The following LRRC49 variants were observed in gnomAD, a reference collection of about 807,000 sequenced individuals.
The protein encoded by LRRC49 is leucine-rich repeat-containing protein 49.
Under a neutral mutation model 83.3 loss-of-function variants are expected in LRRC49, and 50 were observed. The observed-to-expected ratio is 0.60, with a 90% CI of 0.48 to 0.76. The LOEUF is 0.76. Among genes scored for constraint, LRRC49 ranks in the 30% least tolerant of loss-of-function variants. The pLI is 0.00. For synonymous variants in LRRC49, 286 were observed against 283.3 expected, an observed-to-expected ratio of 1.01 and a Z score of -0.10; for missense variants, 704 against 809.1, an observed-to-expected ratio of 0.87 and a Z score of 1.58.
intron 8 of LRRC49, among the ~76,000 whole-genome samples, chr15:70,949,972 C>G (rs2036158029): frequency 6.6e-6 from 1 of 152,086 alleles, no homozygotes; most frequent in South Asian, 2.1e-4. Flanking sequence ...CTCACCCTCC[C>G]CCATCAAGTG....
chr15:70,933,104 A>G (rs1379044409), intron 7 of LRRC49, among the ~76,000 whole-genome samples: 1 of 152,138 alleles, frequency 6.6e-6, no homozygotes, highest in Non-Finnish European at 1.5e-5. Context: ...TTTCTCAGAA[A>G]ACAAATCAGT....
chr15:70,910,800 G>A (rs1360919358), intron 5 of LRRC49, among the ~76,000 whole-genome samples: 1 of 152,182 alleles, frequency 6.6e-6, no homozygotes, highest in Non-Finnish European at 1.5e-5. Flanking sequence ...GAGTGCTGGG[G>A]ATAGAGTAGA....
chr15:71,037,194 G>A lies in LRRC49; in HGVS notation c.1719G>A (p.Arg573=), dbSNP rs772469000. The A allele has an allele frequency of 1.9e-6, 3 of 1,605,160 alleles. No individual in the cohort carries two copies. The highest frequency in any genetic ancestry group is 3.4e-5 in the Admixed American group (2 of 57,998). The part of the protein sequence containing the change: ...ILGDARKKQF[R]YLLESKGKKP... Reference sequence around the variant, plus strand: ...CTTTCTACAGGAAAAAGCAATTTCGGTATCTACTAGAATCCAAAGGAAAAA... The same window carrying A: ...CTTTCTACAGGAAAAAGCAATTTCGATATCTACTAGAATCCAAAGGAAAAA... Residue 573 remains arginine (R), a synonymous_variant, in exon 15 of 16, where the codon CGG becomes CGA. Coordinates refer to ENST00000260382, the MANE Select transcript of LRRC49 (RefSeq NM_017691.5).
In LRRC49 at chr15:70,984,254, C is replaced by G. The variant is rs773564902; in HGVS notation, c.1166C>G (p.Thr389Arg). 1.2e-6 allele frequency: 2 copies of G among 1,607,214 alleles called. No homozygotes were observed. The highest frequency in any genetic ancestry group is 1.7e-6 in the Non-Finnish European group (2 of 1,176,824). ...GSTLSAFPEE[T>R]GPLDSGLNNA... ...ACCCTCTCTGCATTCCCAGAGGAAA[C>G]AGGGTATGCAATGGTATTTTTTCAA... Residue 389 changes from threonine to arginine, a missense_variant, in exon 11 of 16, where the codon ACA becomes AGA. Thr to Arg is a moderately conservative substitution (Grantham distance 71, BLOSUM62 -1). Coordinates refer to ENST00000260382, the MANE Select transcript of LRRC49 (RefSeq NM_017691.5).
intron 8 of LRRC49, among the ~76,000 whole-genome samples, chr15:70,941,665 A>G (rs1297515514): frequency 6.6e-6 from 1 of 152,160 alleles, no homozygotes; most frequent in Non-Finnish European, 1.5e-5. Flanking sequence ...TTATTATTAC[A>G]TAGCTTCTTT....
chr15:70,942,033 ATGTGTGTG>A (rs34818331), intron 8 of LRRC49, among the ~76,000 whole-genome samples: 4,667 of 143,976 alleles, frequency 0.032, 212 homozygotes, highest in African/African-American at 0.1. Context: ...TGTAAAGGTT[ATGTGTGTG>A]TGTGTGTGTG....
upstream of LRRC49, among the ~76,000 whole-genome samples, chr15:70,890,236 A>C (rs959895275): frequency 6.6e-6 from 1 of 152,132 alleles, no homozygotes; most frequent in Admixed American, 6.6e-5. Flanking sequence ...TTTAGTATTT[A>C]TCTCTCTTGC....
chr15:70,925,465 A>G (rs990141237), intron 7 of LRRC49, among the ~76,000 whole-genome samples: 4 of 152,126 alleles, frequency 2.6e-5, no homozygotes, highest in Non-Finnish European at 5.9e-5. Context: ...TTTGTTACTG[A>G]GATAGATTCA....
At chr15:71,046,680 CT>C (rs1348985012) in intron 15 of LRRC49, among the ~76,000 whole-genome samples, 1 of 152,150 alleles carries the variant, frequency 6.6e-6, no homozygotes, top group African/African-American at 2.4e-5. Context: ...GTTTCTTTTG[CT>C]GTGCAAAAGC....
At chr15:70,911,144 C>G (rs2034533024) in intron 5 of LRRC49, among the ~76,000 whole-genome samples, 1 of 152,112 alleles carries the variant, frequency 6.6e-6, no homozygotes, top group South Asian at 2.1e-4. Flanking sequence ...GTGGCTGGAG[C>G]AGAGTGAGTG....
In LRRC49 at chr15:70,934,240, A is replaced by C. The variant is rs577471071; in HGVS notation, c.712-2521A>C. On this transcript the variant is annotated intron_variant, in intron 7 of 15. Transcript: ENST00000260382. ...TAAATAATGCATGCATAGATAATTG[A>C]TACGGTAAATACGGTGTTTTCTTTT... 2.3e-4 allele frequency among the ~76,000 whole-genome samples: 35 copies of C among 152,318 alleles called. No individual in the cohort carries two copies. In the South Asian group the frequency reaches 6.6e-3, roughly 29 times the overall value.
intron 15 of LRRC49, among the ~76,000 whole-genome samples, chr15:71,044,892 T>C (rs1210857147): frequency 5.2e-5 from 7 of 135,332 alleles, no homozygotes; most frequent in Middle Eastern, 3.2e-3. Context: ...CAATCTTTTT[T>C]TTTTTTTTTT....
intron 1 of LRRC49, among the ~76,000 whole-genome samples, chr15:70,863,252 G>A (rs2032833636): frequency 1.3e-5 from 2 of 152,202 alleles, no homozygotes; most frequent in Non-Finnish European, 2.9e-5. Context: ...TATCTCTGAA[G>A]ATACAGCCTA....
At chr15:70,990,508 A>T (rs2037831881) in intron 11 of LRRC49, among the ~76,000 whole-genome samples, 1 of 152,130 alleles carries the variant, frequency 6.6e-6, no homozygotes, top group African/African-American at 2.4e-5. Flanking sequence ...TTGGGGTGGG[A>T]GTGACCCAAT....
At chr15:70,890,946 CTCT>C (rs1477882631), upstream of LRRC49, among the ~76,000 whole-genome samples, 1 of 152,088 alleles carries the variant, frequency 6.6e-6, no homozygotes, top group Non-Finnish European at 1.5e-5. Flanking sequence ...AATAATTTTG[CTCT>C]TTATCTTAAT....
At chr15:70,914,087 G>C (rs566449047) in intron 6 of LRRC49, among the ~76,000 whole-genome samples, 1 of 151,940 alleles carries the variant, frequency 6.6e-6, no homozygotes, top group East Asian at 1.9e-4. Context: ...AATTTGTGCA[G>C]TACAAATGTT....
chr15:70,918,399 A>T (rs751626353), intron 6 of LRRC49: 1 of 152,214 alleles, frequency 6.6e-6, no homozygotes, highest in South Asian at 2.1e-4. Context: ...ATCCTGTAAC[A>T]TTATATGTAC....
chr15:71,037,557 GA>G lies in LRRC49; in HGVS notation c.1857+235del, dbSNP rs375402407. 3.8e-4 allele frequency among the ~76,000 whole-genome samples: 56 copies of G among 147,890 alleles called. No homozygotes were observed. The East Asian group carries it at 5.7e-3, about 15-fold the overall frequency. ...GGGTTTCAGTATCGTTATTTCAGCA[GA>G]AAAAAAAAATGCTCAAAAGAAATCT... On this transcript the variant is annotated intron_variant, in intron 15 of 15. Transcript: ENST00000260382.
At chr15:70,999,080 A>G (rs2038172193) in intron 11 of LRRC49, among the ~76,000 whole-genome samples, 1 of 152,150 alleles carries the variant, frequency 6.6e-6, no homozygotes, top group African/African-American at 2.4e-5. Flanking sequence ...GTGAGACATC[A>G]TTCTCCTGGT....
Sources: allele counts gnomAD v4.1 joint callset (sites outside exome capture counted in the v4.1 genomes callset), GRCh38; gene constraint gnomAD v4.1.1; transcripts MANE v1.5; gene names NCBI Gene and HGNC (gene_info 2026-07-23, HGNC 2026-07-21).